Variants in UCN observed in about 807,000 individuals in gnomAD.
The protein encoded by UCN is prepro-urocortin.
Under a neutral mutation model 6.5 loss-of-function variants are expected in UCN, and 5 were observed. The observed-to-expected ratio is 0.77, with a 90% CI of 0.40 to 1.62. The LOEUF (loss-of-function observed/expected upper bound fraction) is 1.62, where lower values mean the gene tolerates loss of function less well. Ranked by LOEUF, UCN falls within the 40% of genes most tolerant of loss-of-function variation. The probability of loss-of-function intolerance (pLI) is 0.02; values close to 1 mark genes in which losing one functional copy is unlikely to be tolerated. For missense variants in UCN, 195 were observed against 188.8 expected, an observed-to-expected ratio of 1.03 and a Z score of -0.19; for synonymous variants, 95 against 96.4, an observed-to-expected ratio of 0.99 and a Z score of 0.09.
In UCN at chr2:27,308,020, G is replaced by C; in HGVS notation, c.-13-112C>G. The C allele has an allele frequency of 9.7e-7, 1 of 1,027,442 alleles. No individual in the cohort carries two copies. The highest frequency in any genetic ancestry group is 1.3e-6 in the Non-Finnish European group (1 of 780,048). 63.6% of individuals were successfully genotyped at this position (1,027,442 alleles called of 1,614,324 possible). A position where few individuals can be genotyped will look rare whatever the true frequency, so the allele number is the denominator to read the frequency against. ...CTCCGGCCGCCGCCCAATGCCCGCAGCCTGCCCTCCAGCCCCAGCCACTGC... is the reference window on the plus strand; with the variant it reads ...CTCCGGCCGCCGCCCAATGCCCGCACCCTGCCCTCCAGCCCCAGCCACTGC... On this transcript the variant is annotated intron_variant, in intron 1 of 1. Coordinates refer to ENST00000296099, the MANE Select transcript of UCN (RefSeq NM_003353.4). The surrounding 1 kb of genome is among the most constrained non-coding windows in gnomAD (Gnocchi z 4.2).
rs1481303118 is a variant in UCN, at chr2:27,307,549, C to T, written c.347G>A (p.Arg116His). The part of the protein sequence containing the change: ...QSQRERAEQN[R>H]IIFDSVGK ...CTTGCCCACCGAGTCGAATATGATG[C>T]GGTTCTGCTCGGCGCGCTCCCGCTG... Residue 116 changes from arginine (R) to histidine (H), a missense_variant, in exon 2 of 2, where the codon CGC becomes CAC. Arg to His is a conservative substitution (Grantham distance 29). Coordinates refer to ENST00000296099, the MANE Select transcript of UCN (RefSeq NM_003353.4). The surrounding 1 kb of genome is among the most constrained non-coding windows in gnomAD (Gnocchi z 6.9). The T allele has an allele frequency of 6.2e-7, 1 of 1,613,118 alleles. No homozygotes were observed. The highest frequency in any genetic ancestry group is 8.5e-7 in the Non-Finnish European group (1 of 1,179,962).
Position 27,308,070 on chromosome 2 carries a change from C to A in UCN, c.-14+90G>T. On this transcript the variant is annotated intron_variant, in intron 1 of 1. Coordinates refer to ENST00000296099, the MANE Select transcript of UCN (RefSeq NM_003353.4). The surrounding 1 kb of genome is among the most constrained non-coding windows in gnomAD (Gnocchi z 4.2). ...CGCCAGTGCTGTTCCATCCCTTCCA[C>A]CCAGCCTCCCTCCCCGGAGGAGCGT... 1 of 605,772 alleles carries A rather than the reference C, an allele frequency of 1.7e-6. No homozygotes were observed. The highest frequency in any genetic ancestry group is 4.1e-5 in the South Asian group (1 of 24,350). The allele number at this position is 605,772 out of a possible 1,614,324, so 37.5% of individuals were successfully genotyped here. A position where few individuals can be genotyped will look rare whatever the true frequency, so the allele number is the denominator to read the frequency against.
In UCN at chr2:27,307,430, C is replaced by T; in HGVS notation, c.*91G>A. The stretch of plus-strand genomic sequence containing the variant: ...TTCAGTACTTTTATTAAAAAATAGT[C>T]ACGCAGACAGTGCCCTGGTGGCTCT... On this transcript the variant is annotated 3_prime_UTR_variant, in exon 2 of 2. Transcript: ENST00000296099. The surrounding 1 kb of genome is among the most constrained non-coding windows in gnomAD (Gnocchi z 6.9). 6.4e-6 allele frequency: 10 copies of T among 1,564,638 alleles called. No homozygotes were observed. Among genetic ancestry groups the T allele is most frequent in the Non-Finnish European group, 8.6e-6 (10 of 1,157,284 alleles).
Position 27,307,673 on chromosome 2 carries a change from T to G in UCN, c.223A>C (p.Thr75Pro), listed in dbSNP as rs1679270985. The G allele has an allele frequency of 1.2e-6, 2 of 1,600,574 alleles. No homozygotes were observed. The highest frequency in any genetic ancestry group is 8.5e-7 in the Non-Finnish European group (1 of 1,174,650). ...RAGPGRLGLG[T>P]AGERPRRDNP... The stretch of plus-strand genomic sequence containing the variant: ...TCCCGCCGCGGCCGCTCGCCTGCCG[T>G]CCCGAGTCCCAATCGGCCGGGCCCC... Residue 75 changes from threonine to proline, a missense_variant, in exon 2 of 2, where the codon ACG becomes CCG. Coordinates refer to ENST00000296099, the MANE Select transcript of UCN (RefSeq NM_003353.4). The surrounding 1 kb of genome is among the most constrained non-coding windows in gnomAD (Gnocchi z 6.9).
In UCN at chr2:27,307,911, G is replaced by A; in HGVS notation, c.-13-3C>T. On this transcript the variant is annotated splice_polypyrimidine_tract_variant and splice_region_variant and intron_variant, in intron 1 of 1. Coordinates refer to ENST00000296099, the MANE Select transcript of UCN (RefSeq NM_003353.4). This position sits in a 1 kb window ranked among gnomAD's most constrained non-coding sequence, Gnocchi z 6.9. ...CCTGCCTCATGGTGCCGCCGGCCCT[G>A]GACACACAGGGGCAGCGCAGGGTGA... 6.9e-7 allele frequency: 1 copy of A among 1,445,220 alleles called. No homozygotes were observed. The highest frequency in any genetic ancestry group is 1.4e-5 in the South Asian group (1 of 73,346). The allele number at this position is 1,445,220 out of a possible 1,614,324, so 89.5% of individuals were successfully genotyped here.
Position 27,307,714 on chromosome 2 carries a change from C to G in UCN, c.182G>C (p.Arg61Pro). The G allele has an allele frequency of 1.3e-6, 2 of 1,538,192 alleles. No homozygotes were observed. Among genetic ancestry groups the G allele is most frequent in the Non-Finnish European group, 1.7e-6 (2 of 1,144,544 alleles). The change falls in exon 2 of 2, where the codon CGC becomes CCC. Residue 61 changes from arginine to proline, a missense_variant. Transcript: ENST00000296099. This position sits in a 1 kb window ranked among gnomAD's most constrained non-coding sequence, Gnocchi z 6.9. ...ARALLLLLAERFPRRAGPGRL... is the reference protein window; with the variant it reads ...ARALLLLLAEPFPRRAGPGRL... ...GCCGGGCCCCGCGCGGCGCGGGAAG[C>G]GCTCCGCCAGCAGCAAGAGGAGCGC...
chr2:27,307,749 G>A lies in UCN; in HGVS notation c.147C>T (p.Gly49=). The A allele has an allele frequency of 1.3e-6, 2 of 1,510,414 alleles. No homozygotes were observed. Among genetic ancestry groups the A allele is most frequent in the South Asian group, 1.3e-5 (1 of 78,922 alleles). The allele number at this position is 1,510,414 out of a possible 1,614,324, so 93.6% of individuals were successfully genotyped here. Residue 49 remains glycine, a synonymous_variant, in exon 2 of 2, where the codon GGC becomes GGT. Transcript: ENST00000296099. This position sits in a 1 kb window ranked among gnomAD's most constrained non-coding sequence, Gnocchi z 6.9. ...RWSPGARNQG[G]GARALLLLLA... ...GCAGCAAGAGGAGCGCGCGGGCCCCGCCACCCTGGTTCCGTGCCCCGGGGC... is the reference window on the plus strand; with the variant it reads ...GCAGCAAGAGGAGCGCGCGGGCCCCACCACCCTGGTTCCGTGCCCCGGGGC...
Position 27,307,639 on chromosome 2 carries a change from G to A in UCN, c.257C>T (p.Ser86Phe). Residue 86 changes from serine (S) to phenylalanine (F), a missense_variant, in exon 2 of 2, where the codon TCT becomes TTT. Transcript: ENST00000296099. The surrounding 1 kb of genome is among the most constrained non-coding windows in gnomAD (Gnocchi z 6.9). Reference sequence around the variant, plus strand: ...GTGAAAGGTGAGGTCAATGGACAGAGAAGGGTTGTCCCGCCGCGGCCGCTC... The same window carrying A: ...GTGAAAGGTGAGGTCAATGGACAGAAAAGGGTTGTCCCGCCGCGGCCGCTC... ...AGERPRRDNP[S>F]LSIDLTFHLL... 6.2e-7 allele frequency: 1 copy of A among 1,611,018 alleles called. No individual in the cohort carries two copies. Among genetic ancestry groups the A allele is most frequent in the African/African-American group, 1.3e-5 (1 of 74,970 alleles).
At position 27,307,513 on chromosome 2, in the gene UCN, C is replaced by T; in HGVS notation, c.*8G>A. 2 of 1,612,788 alleles carry T rather than the reference C, an allele frequency of 1.2e-6. No individual in the cohort carries two copies. Among genetic ancestry groups the T allele is most frequent in the Non-Finnish European group, 1.7e-6 (2 of 1,179,890 alleles). On this transcript the variant is annotated 3_prime_UTR_variant, in exon 2 of 2. Transcript: ENST00000296099. This position sits in a 1 kb window ranked among gnomAD's most constrained non-coding sequence, Gnocchi z 6.9. ...GGGTCAACGTTTTCGCAGCCCCAAA[C>T]CGGGCCATCACTTGCCCACCGAGTC...
chr2:27,308,052 G>T lies in UCN; in HGVS notation c.-14+108C>A. On this transcript the variant is annotated intron_variant, in intron 1 of 1. Coordinates refer to ENST00000296099, the MANE Select transcript of UCN (RefSeq NM_003353.4). This position sits in a 1 kb window ranked among gnomAD's most constrained non-coding sequence, Gnocchi z 4.2. ...CTCCAGCCCCAGCCACTGCGCCAGT[G>T]CTGTTCCATCCCTTCCACCCAGCCT... is the stretch of plus-strand genomic sequence containing the variant. 1.4e-6 allele frequency: 1 copy of T among 732,972 alleles called. No homozygotes were observed. Among genetic ancestry groups the T allele is most frequent in the Non-Finnish European group, 1.9e-6 (1 of 515,018 alleles). The allele number at this position is 732,972 out of a possible 1,614,324, so 45.4% of individuals were successfully genotyped here.
chr2:27,307,548 G>C lies in UCN; in HGVS notation c.348C>G (p.Arg116=), dbSNP rs1194278790. 6.2e-7 allele frequency: 1 copy of C among 1,612,920 alleles called. No homozygotes were observed. The highest frequency in any genetic ancestry group is 8.5e-7 in the Non-Finnish European group (1 of 1,179,932). The stretch of plus-strand genomic sequence containing the variant: ...ACTTGCCCACCGAGTCGAATATGAT[G>C]CGGTTCTGCTCGGCGCGCTCCCGCT... The part of the protein sequence containing the change: ...QSQRERAEQN[R]IIFDSVGK The change falls in exon 2 of 2, where the codon CGC becomes CGG. Residue 116 remains arginine, a synonymous_variant. Coordinates refer to ENST00000296099, the MANE Select transcript of UCN (RefSeq NM_003353.4). This position sits in a 1 kb window ranked among gnomAD's most constrained non-coding sequence, Gnocchi z 6.9.
In UCN at chr2:27,307,475, G is replaced by T; in HGVS notation, c.*46C>A. The stretch of plus-strand genomic sequence containing the variant: ...GGCTCTGCCCCGCATCCCAACTCTG[G>T]GGTGGGGGAAAGGGGTCAACGTTTT... On this transcript the variant is annotated 3_prime_UTR_variant, in exon 2 of 2. Transcript: ENST00000296099. This position sits in a 1 kb window ranked among gnomAD's most constrained non-coding sequence, Gnocchi z 6.9. The T allele has an allele frequency of 6.2e-7, 1 of 1,609,988 alleles. No individual in the cohort carries two copies. The highest frequency in any genetic ancestry group is 1.1e-5 in the South Asian group (1 of 90,900).
At position 27,307,864 on chromosome 2, in the gene UCN, G is replaced by A; in HGVS notation, c.32C>T (p.Ala11Val). 6.7e-7 allele frequency: 1 copy of A among 1,488,694 alleles called. No homozygotes were observed. The highest frequency in any genetic ancestry group is 8.9e-7 in the Non-Finnish European group (1 of 1,127,524). 92.2% of individuals were successfully genotyped at this position (1,488,694 alleles called of 1,614,324 possible). The part of the protein sequence containing the change: MRQAGRAALL[A>V]ALLLLVQLCP... ...CAGCTGTACCAGGAGCAGCAGCGCG[G>A]CCAGCAGCGCTGCGCGTCCCGCCTG... Residue 11 changes from alanine (A) to valine (V), a missense_variant, in exon 2 of 2, where the codon GCC becomes GTC. Physicochemically the swap from Ala to Val is moderately conservative, Grantham distance 64 (BLOSUM62 0). Coordinates refer to ENST00000296099, the MANE Select transcript of UCN (RefSeq NM_003353.4). The surrounding 1 kb of genome is among the most constrained non-coding windows in gnomAD (Gnocchi z 6.9).
In UCN at chr2:27,308,005, C is replaced by T. The variant is rs1458359430; in HGVS notation, c.-13-97G>A. On this transcript the variant is annotated intron_variant, in intron 1 of 1. Transcript: ENST00000296099. The surrounding 1 kb of genome is among the most constrained non-coding windows in gnomAD (Gnocchi z 4.2). ...CTCGCCCGGCGACCCCTCCGGCCGC[C>T]GCCCAATGCCCGCAGCCTGCCCTCC... The T allele has an allele frequency of 6.0e-6, 7 of 1,164,316 alleles. No homozygotes were observed. Among genetic ancestry groups the T allele is most frequent in the Non-Finnish European group, 7.7e-6 (7 of 904,774 alleles). The allele number at this position is 1,164,316 out of a possible 1,614,324, so 72.1% of individuals were successfully genotyped here.
Position 27,307,511 on chromosome 2 carries a change from A to T in UCN, c.*10T>A. 1 of 1,612,594 alleles carries T rather than the reference A, an allele frequency of 6.2e-7. No individual in the cohort carries two copies. The highest frequency in any genetic ancestry group is 8.5e-7 in the Non-Finnish European group (1 of 1,179,818). ...AGGGGTCAACGTTTTCGCAGCCCCAAACCGGGCCATCACTTGCCCACCGAG... is the reference window on the plus strand; with the variant it reads ...AGGGGTCAACGTTTTCGCAGCCCCATACCGGGCCATCACTTGCCCACCGAG... On this transcript the variant is annotated 3_prime_UTR_variant, in exon 2 of 2. Transcript: ENST00000296099. This position sits in a 1 kb window ranked among gnomAD's most constrained non-coding sequence, Gnocchi z 6.9.
chr2:27,307,904 C>A lies in UCN; in HGVS notation c.-9G>T. On this transcript the variant is annotated 5_prime_UTR_variant, in exon 2 of 2. Coordinates refer to ENST00000296099, the MANE Select transcript of UCN (RefSeq NM_003353.4). The surrounding 1 kb of genome is among the most constrained non-coding windows in gnomAD (Gnocchi z 6.9). ...CGTCCCGCCTGCCTCATGGTGCCGC[C>A]GGCCCTGGACACACAGGGGCAGCGC... 2.1e-6 allele frequency: 3 copies of A among 1,451,428 alleles called. No individual in the cohort carries two copies. The highest frequency in any genetic ancestry group is 2.7e-5 in the South Asian group (2 of 74,500). 89.9% of individuals were successfully genotyped at this position (1,451,428 alleles called of 1,614,324 possible).
At position 27,307,595 on chromosome 2, in the gene UCN, C is replaced by T; in HGVS notation, c.301G>A (p.Glu101Lys). The change falls in exon 2 of 2, where the codon GAG (glutamate) becomes AAG (lysine). Residue 101 changes from glutamate (E) to lysine (K), a missense_variant. Transcript: ENST00000296099. The surrounding 1 kb of genome is among the most constrained non-coding windows in gnomAD (Gnocchi z 6.9). ...LTFHLLRTLL[E>K]LARTQSQRER... ...CGCTGGCTCTGCGTCCGCGCCAGCT[C>T]CAGCAGGGTCCGCAGCAGGTGAAAG... 6.2e-7 allele frequency: 1 copy of T among 1,612,752 alleles called. No homozygotes were observed. The highest frequency in any genetic ancestry group is 8.5e-7 in the Non-Finnish European group (1 of 1,179,920).
rs1348946634 is a variant in UCN at position 27,308,013 on chromosome 2, G to A, written c.-13-105C>T. 3.7e-6 allele frequency: 4 copies of A among 1,082,216 alleles called. No individual in the cohort carries two copies. Among genetic ancestry groups the A allele is most frequent in the Non-Finnish European group, 1.2e-6 (1 of 830,080 alleles). 67.0% of individuals were successfully genotyped at this position (1,082,216 alleles called of 1,614,324 possible). ...GCGACCCCTCCGGCCGCCGCCCAAT[G>A]CCCGCAGCCTGCCCTCCAGCCCCAG... On this transcript the variant is annotated intron_variant, in intron 1 of 1. Transcript: ENST00000296099. This position sits in a 1 kb window ranked among gnomAD's most constrained non-coding sequence, Gnocchi z 4.2.
chr2:27,307,527 G>A lies in UCN; in HGVS notation c.369C>T (p.Gly123=). The A allele has an allele frequency of 6.2e-7, 1 of 1,612,960 alleles. No homozygotes were observed. Among genetic ancestry groups the A allele is most frequent in the Non-Finnish European group, 8.5e-7 (1 of 1,179,918 alleles). Reference sequence around the variant, plus strand: ...GCAGCCCCAAACCGGGCCATCACTTGCCCACCGAGTCGAATATGATGCGGT... The same window carrying A: ...GCAGCCCCAAACCGGGCCATCACTTACCCACCGAGTCGAATATGATGCGGT... ...EQNRIIFDSV[G]K is the part of the protein sequence containing the mutation. The change falls in exon 2 of 2, where the codon GGC becomes GGT. Residue 123 remains glycine (G), a synonymous_variant. Coordinates refer to ENST00000296099, the MANE Select transcript of UCN (RefSeq NM_003353.4). The surrounding 1 kb of genome is among the most constrained non-coding windows in gnomAD (Gnocchi z 6.9).
Sources: gnomAD v4.1 joint callset for allele counts on GRCh38, gnomAD v4.1.1 for gene constraint, Gnocchi (gnomAD v3.1) non-coding constraint, MANE v1.5 for transcripts, NCBI Gene and HGNC (gene_info 2026-07-23, HGNC 2026-07-21) for gene names.